CIRSR: variants seen among roughly 807,000 people sequenced by gnomAD.
CIRSR encodes the protein corepressor of RBPJ and splicing regulator, also known as CBF1 (RBPJ) interacting corepressor 1.
At chr2:174,380,341 A>G in the CIRSR span, 6 of 904,872 alleles carry the variant, frequency 6.6e-6, no homozygotes, top group Non-Finnish European at 1.0e-5. Context: ...TTACAGTTCT[A>G]AGAACATTAT....
At chr2:174,362,686 CAAAAAAAA>C in the CIRSR span, among the ~76,000 whole-genome samples, 3 of 20,654 alleles carry the variant, frequency 1.5e-4, no homozygotes, top group African/African-American at 3.2e-4. Flanking sequence ...GACTCTGCCT[CAAAAAAAA>C]AAAAAAAAAA....
chr2:174,380,247 A>C, the CIRSR span: 1 of 1,595,042 alleles, frequency 6.3e-7, no homozygotes, highest in Non-Finnish European at 8.5e-7. Context: ...CATCTTTGGC[A>C]TATCTATTAA....
At chr2:174,351,203 T>C in the CIRSR span, among the ~76,000 whole-genome samples, 1 of 152,218 alleles carries the variant, frequency 6.6e-6, no homozygotes, top group Admixed American at 6.5e-5. Flanking sequence ...AATATAGCCC[T>C]TCAAACTCAA....
the CIRSR span, among the ~76,000 whole-genome samples, chr2:174,368,742 G>C: frequency 6.6e-6 from 1 of 152,210 alleles, no homozygotes; most frequent in Admixed American, 6.5e-5. Context: ...TTTGTCCCTA[G>C]AGCTCTTGGG....
chr2:174,354,734 A>G, the CIRSR span, among the ~76,000 whole-genome samples: 4 of 104,774 alleles, frequency 3.8e-5, no homozygotes, highest in East Asian at 9.5e-4. Flanking sequence ...TATATAATAT[A>G]TATTTTACAT....
the CIRSR span, among the ~76,000 whole-genome samples, chr2:174,385,279 G>C: frequency 6.6e-6 from 1 of 150,606 alleles, no homozygotes; most frequent in Non-Finnish European, 1.5e-5. Context: ...AGCGACTAAG[G>C]TGATTGATAT....
At chr2:174,365,087 G>A in the CIRSR span, among the ~76,000 whole-genome samples, 5 of 152,004 alleles carry the variant, frequency 3.3e-5, no homozygotes, top group African/African-American at 4.8e-5. Flanking sequence ...TAGCACCCAC[G>A]TCAACTCCTG....
chr2:174,377,761 G>A, the CIRSR span, among the ~76,000 whole-genome samples: 1 of 135,130 alleles, frequency 7.4e-6, no homozygotes. Context: ...GAAATTGGAG[G>A]TTGCAGTGAG....
At chr2:174,363,576 A>T in the CIRSR span, among the ~76,000 whole-genome samples, 1 of 152,138 alleles carries the variant, frequency 6.6e-6, no homozygotes, top group South Asian at 2.1e-4. Flanking sequence ...ATAAAGACAT[A>T]CCCTAGACTG....
the CIRSR span, among the ~76,000 whole-genome samples, chr2:174,386,683 G>A: frequency 1.3e-5 from 2 of 152,150 alleles, no homozygotes; most frequent in African/African-American, 4.8e-5. Context: ...CAGGGTGGCA[G>A]GGAGGGCGCA....
At chr2:174,385,215 CA>C in the CIRSR span, among the ~76,000 whole-genome samples, 49,421 of 93,858 alleles carry the variant, frequency 0.53, 8,774 homozygotes, top group East Asian at 0.65. Flanking sequence ...ACCTTCCTCT[CA>C]AAAAAAAAAA....
the CIRSR span, among the ~76,000 whole-genome samples, chr2:174,373,027 G>A: frequency 9.9e-5 from 15 of 152,266 alleles, no homozygotes; most frequent in Admixed American, 3.9e-4. Context: ...CTCCCAAATC[G>A]TCAATTGTTC....
chr2:174,349,684 T>C, the CIRSR span, among the ~76,000 whole-genome samples: 4 of 151,880 alleles, frequency 2.6e-5, no homozygotes, highest in Non-Finnish European at 5.9e-5. Context: ...AATTAAAAAA[T>C]TAAATGCATC....
At chr2:174,384,687 G>C in the CIRSR span, among the ~76,000 whole-genome samples, 1 of 151,294 alleles carries the variant, frequency 6.6e-6, no homozygotes, top group South Asian at 2.1e-4. Flanking sequence ...AAAGTGTTGG[G>C]ATTACAGGCA....
chr2:174,386,099 C>T, the CIRSR span, among the ~76,000 whole-genome samples: 1 of 152,190 alleles, frequency 6.6e-6, no homozygotes, highest in African/African-American at 2.4e-5. Context: ...GTTTTTATCC[C>T]TCTAACTCAA....
chr2:174,354,189 T>C, the CIRSR span, among the ~76,000 whole-genome samples: 1 of 151,136 alleles, frequency 6.6e-6, no homozygotes, highest in African/African-American at 2.4e-5. Flanking sequence ...AAATCCCAAC[T>C]GAAAACTCTG....
the CIRSR span, among the ~76,000 whole-genome samples, chr2:174,361,160 TTATTTAC>T: frequency 6.6e-6 from 1 of 152,364 alleles, no homozygotes; most frequent in East Asian, 1.9e-4. Context: ...GGTCAGTTCT[TTATTTAC>T]TAGTTTCAAT....
chr2:174,354,632 A>ATATATATTATATATTTT, the CIRSR span, among the ~76,000 whole-genome samples: 1 of 82,126 alleles, frequency 1.2e-5, no homozygotes, highest in African/African-American at 4.8e-5. Flanking sequence ...ATATTATATA[A>ATATATATTATATATTTT]TATATATTAT....
the CIRSR span, among the ~76,000 whole-genome samples, chr2:174,367,980 G>C: frequency 2.0e-5 from 3 of 152,052 alleles, no homozygotes; most frequent in Non-Finnish European, 2.9e-5. Flanking sequence ...AGGATAAAGA[G>C]AGACATCACA....
Sources: gnomAD v4.1 joint callset for allele counts (sites outside exome capture counted in the v4.1 genomes callset) on GRCh38, gnomAD v4.1.1 for gene constraint, MANE v1.5 for transcripts, NCBI Gene and HGNC (gene_info 2026-07-23, HGNC 2026-07-21) for gene names.